Variants in TPCN1 observed in about 807,000 individuals in gnomAD.
TPCN1 encodes two pore channel protein 1.
A neutral mutation model predicts 108.8 loss-of-function variants in TPCN1; 52 were observed. That is an observed-to-expected ratio of 0.48 (90% CI 0.38 to 0.60). The LOEUF (loss-of-function observed/expected upper bound fraction) is 0.60, where lower values mean the gene tolerates loss of function less well. TPCN1 is among the 20% of genes least tolerant of loss of function. TPCN1 has a pLI of 0.00. For synonymous variants in TPCN1, 446 were observed against 433.7 expected, an observed-to-expected ratio of 1.03 and a Z score of -0.35; for missense variants, 806 against 1,072.8, an observed-to-expected ratio of 0.75 and a Z score of 3.47.
rs1955397853 is a variant in TPCN1 at position 113,269,189 on chromosome 12, A to G, written c.659+317A>G. Among the ~76,000 whole-genome samples, 2 of 152,218 alleles carry G rather than the reference A, an allele frequency of 1.3e-5. No homozygotes were observed. Among genetic ancestry groups the G allele is most frequent in the Admixed American group, 1.3e-4 (2 of 15,278 alleles). ...TCAGCAGCGTCCATGTGACACAAGC[A>G]GACTCTCCTGCCACCTCCATCGAGG... On this transcript the variant is annotated intron_variant, in intron 6 of 27. Coordinates refer to ENST00000335509, the MANE Select transcript of TPCN1 (RefSeq NM_017901.6). The surrounding 1 kb of genome is among the most constrained non-coding windows in gnomAD (Gnocchi z 5.0).
rs747422322 is a variant in TPCN1, at chr12:113,273,680, T to C, written c.942+12T>C. ...TCATCATGAACCTGGTGAGTGACTA[T>C]GCCTCAGGCTACGCTGAAGCAGCCT... On this transcript the variant is annotated intron_variant, in intron 10 of 27. Coordinates refer to ENST00000335509, the MANE Select transcript of TPCN1 (RefSeq NM_017901.6). This position sits in a 1 kb window ranked among gnomAD's most constrained non-coding sequence, Gnocchi z 4.0. 6 of 1,609,052 alleles carry C rather than the reference T, an allele frequency of 3.7e-6. No individual in the cohort carries two copies. The African/African-American group carries it at 8.0e-5, about 22-fold the overall frequency.
In TPCN1 at chr12:113,268,119, G is replaced by A. The variant is rs1955343769; in HGVS notation, c.528+163G>A. Among the ~76,000 whole-genome samples the A allele has an allele frequency of 6.6e-6, 1 of 152,188 alleles. No individual in the cohort carries two copies. The highest frequency in any genetic ancestry group is 2.4e-5 in the African/African-American group (1 of 41,438). On this transcript the variant is annotated intron_variant, in intron 5 of 27. Transcript: ENST00000335509. This position sits in a 1 kb window ranked among gnomAD's most constrained non-coding sequence, Gnocchi z 7.3. ...TGACCGTGCCCTCAGCCTTGTGGGT[G>A]CCCTGGATGTCGTGATGCCAGCAGT...
In TPCN1 at chr12:113,266,490, A is replaced by G. The variant is rs528247942; in HGVS notation, c.414+134A>G. 27 of 1,238,502 alleles carry G rather than the reference A, an allele frequency of 2.2e-5. No homozygotes were observed. The African/African-American group carries it at 3.4e-4, about 16-fold the overall frequency. The allele number at this position is 1,238,502 out of a possible 1,614,324, so 76.7% of individuals were successfully genotyped here. On this transcript the variant is annotated intron_variant, in intron 4 of 27. Transcript: ENST00000335509. This position sits in a 1 kb window ranked among gnomAD's most constrained non-coding sequence, Gnocchi z 4.2. ...TAAAACAGAGAGATACGAGGTGGTC[A>G]TAGAGGCCTTGGGAGCGGAAATGCC...
At chr12:113,247,646 C>A (rs1050484619) in intron 2 of TPCN1, among the ~76,000 whole-genome samples, 2 of 152,244 alleles carry the variant, frequency 1.3e-5, no homozygotes, top group Non-Finnish European at 2.9e-5. Flanking sequence ...TGCACTGCTG[C>A]GTGAAGGCCA....
chr12:113,287,230 TCACCATGGGGTCAACATCCC>T (rs1323862788), intron 19 of TPCN1, 136 bp downstream of exon 19: 1 of 711,462 alleles, frequency 1.4e-6, no homozygotes, highest in Non-Finnish European at 2.4e-6. Flanking sequence ...CCCTGGAGAA[TCACCATGGGGTCAACATCCC>T]CACCCCTGAG....
chr12:113,281,547 T>G (rs1328423309), intron 15 of TPCN1, among the ~76,000 whole-genome samples: 1 of 152,120 alleles, frequency 6.6e-6, no homozygotes, highest in African/African-American at 2.4e-5. Context: ...TTACTGTGGG[T>G]TTTTTTGTTT....
At chr12:113,237,614 C>T (rs1310181461) in intron 2 of TPCN1, among the ~76,000 whole-genome samples, 1 of 152,202 alleles carries the variant, frequency 6.6e-6, no homozygotes, top group Non-Finnish European at 1.5e-5. Context: ...CCACCTCGGC[C>T]TCCCAAGGTG....
At chr12:113,285,029 C>T (rs1025830450) in intron 17 of TPCN1, among the ~76,000 whole-genome samples, 10 of 152,328 alleles carry the variant, frequency 6.6e-5, no homozygotes, top group African/African-American at 1.4e-4. Context: ...CCGTGTCCCC[C>T]GCTGCACACT....
chr12:113,224,842 C>T (rs1462584206), intron 1 of TPCN1, among the ~76,000 whole-genome samples: 1 of 152,150 alleles, frequency 6.6e-6, no homozygotes, highest in African/African-American at 2.4e-5. Context: ...CCTCTGCCTC[C>T]TGGGTTCAAG....
At chr12:113,242,071 A>C (rs1436254962) in intron 2 of TPCN1, among the ~76,000 whole-genome samples, 2 of 152,182 alleles carry the variant, frequency 1.3e-5, no homozygotes, top group African/African-American at 4.8e-5. Flanking sequence ...GGCATGCTGT[A>C]GGGACAAGAC....
At chr12:113,290,647 C>T (rs1248707726) in intron 22 of TPCN1, among the ~76,000 whole-genome samples, 1 of 152,222 alleles carries the variant, frequency 6.6e-6, no homozygotes, top group Non-Finnish European at 1.5e-5. Context: ...CAAACCGCCT[C>T]TCCAGAAAAA....
At chr12:113,278,087 C>T (rs1049798476) in intron 12 of TPCN1, 102 bp from the exon 13 acceptor site, 3 of 930,390 alleles carry the variant, frequency 3.2e-6, no homozygotes, top group Non-Finnish European at 5.1e-6. Flanking sequence ...CTCTCTTCCT[C>T]CCTCACCCCA....
intron 2 of TPCN1, among the ~76,000 whole-genome samples, chr12:113,237,743 G>T (rs1180897342): frequency 6.6e-6 from 1 of 152,334 alleles, no homozygotes; most frequent in Middle Eastern, 3.4e-3. Context: ...CTGGCCTGGG[G>T]TCTGGCCCAG....
chr12:113,251,319 G>A (rs1165420074), intron 2 of TPCN1, among the ~76,000 whole-genome samples: 5 of 152,220 alleles, frequency 3.3e-5, no homozygotes, highest in African/African-American at 7.2e-5. Context: ...GCCAAGGGGA[G>A]AGGATCGCCT....
Position 113,268,937 on chromosome 12 carries a change from G to A in TPCN1, c.659+65G>A. On this transcript the variant is annotated intron_variant, in intron 6 of 27. Transcript: ENST00000335509. The surrounding 1 kb of genome is among the most constrained non-coding windows in gnomAD (Gnocchi z 7.3). ...CATGGCCTGACCTCTGGGCCAGTGG[G>A]GCAGGAGCTTGTGAGTCAGTTAGTG... 1 of 1,595,260 alleles carries A rather than the reference G, an allele frequency of 6.3e-7. No individual in the cohort carries two copies. The highest frequency in any genetic ancestry group is 8.6e-7 in the Non-Finnish European group (1 of 1,167,074).
At position 113,273,482 on chromosome 12, in the gene TPCN1, A is replaced by G. The variant is rs1325426912; in HGVS notation, c.843-87A>G. On this transcript the variant is annotated intron_variant, in intron 9 of 27. Coordinates refer to ENST00000335509, the MANE Select transcript of TPCN1 (RefSeq NM_017901.6). This position sits in a 1 kb window ranked among gnomAD's most constrained non-coding sequence, Gnocchi z 4.0. ...CCAGGGTTGGAGGCTGGGAAGGCAG[A>G]CAAGGAGCTGTCCTCTGCAAGGCAT... The G allele has an allele frequency of 3.0e-6, 4 of 1,325,626 alleles. No individual in the cohort carries two copies. Among genetic ancestry groups the G allele is most frequent in the Non-Finnish European group, 4.4e-6 (4 of 918,038 alleles). The allele number at this position is 1,325,626 out of a possible 1,614,324, so 82.1% of individuals were successfully genotyped here. A position where few individuals can be genotyped will look rare whatever the true frequency, so the allele number is the denominator to read the frequency against.
In TPCN1 at chr12:113,251,584, T is replaced by TG. The variant is rs563265811; in HGVS notation, c.113-8777dup. On this transcript the variant is annotated intron_variant, in intron 2 of 27. Coordinates refer to ENST00000335509, the MANE Select transcript of TPCN1 (RefSeq NM_017901.6). The stretch of plus-strand genomic sequence containing the variant: ...TGTCTCTGTGTTGCTCGCTGTCCCG[T>TG]GGGGGGGCTCCAGCCAGCTCCCTGC... Among the ~76,000 whole-genome samples the TG allele has an allele frequency of 1.0e-3, 153 of 152,276 alleles. 5 individuals carry two copies. The South Asian group carries it at 0.029, about 29-fold the overall frequency.
Position 113,268,848 on chromosome 12 carries a change from G to C in TPCN1, c.635G>C (p.Cys212Ser). 6.2e-7 allele frequency: 1 copy of C among 1,614,132 alleles called. No individual in the cohort carries two copies. Among genetic ancestry groups the C allele is most frequent in the Non-Finnish European group, 8.5e-7 (1 of 1,180,006 alleles). The change falls in exon 6 of 28, where the codon TGT (cysteine) becomes TCT (serine). Residue 212 changes from cysteine to serine, a missense_variant. Cys to Ser is a moderately radical substitution (Grantham distance 112). Transcript: ENST00000335509. This position sits in a 1 kb window ranked among gnomAD's most constrained non-coding sequence, Gnocchi z 7.3. Reference protein sequence around the residue: ...RALRCIFLVDCRYCGGVRRNL... With the variant: ...RALRCIFLVDSRYCGGVRRNL... ...CTGCGCTGCATTTTCCTGGTGGACTGTCGGTATTGCGGTGGCGTCCGGCGG... is the reference window on the plus strand; with the variant it reads ...CTGCGCTGCATTTTCCTGGTGGACTCTCGGTATTGCGGTGGCGTCCGGCGG...
intron 10 of TPCN1, among the ~76,000 whole-genome samples, chr12:113,274,333 A>G (rs1436432823): frequency 6.6e-6 from 1 of 152,072 alleles, no homozygotes. Context: ...CTGTAATCCC[A>G]TCTACTCAGG....
Sources: gnomAD v4.1 joint callset for allele counts (sites outside exome capture counted in the v4.1 genomes callset) on GRCh38, gnomAD v4.1.1 for gene constraint, Gnocchi (gnomAD v3.1) non-coding constraint, MANE v1.5 for transcripts, NCBI Gene and HGNC (gene_info 2026-07-23, HGNC 2026-07-21) for gene names.